Variants in CUX1 observed in about 807,000 individuals in gnomAD.
CUX1 encodes the protein protein CASP.
In CUX1, 31 loss-of-function variants were observed where a neutral mutation model predicts 158.8. The observed-to-expected ratio is 0.20, with a 90% CI of 0.15 to 0.26. The LOEUF (loss-of-function observed/expected upper bound fraction) is 0.26, where lower values mean the gene tolerates loss of function less well. Among genes scored for constraint, CUX1 ranks in the 10% least tolerant of loss-of-function variants. The probability of loss-of-function intolerance (pLI) is 1.00; values close to 1 mark genes in which losing one functional copy is unlikely to be tolerated. For synonymous variants in CUX1, 879 were observed against 862.1 expected (o/e 1.02, Z -0.34); for missense variants, 1,589 against 2,014.6 (o/e 0.79, Z 4.04).
At chr7:102,086,633 A>G (rs1162712262) in intron 4 of CUX1, among the ~76,000 whole-genome samples, 1 of 151,574 alleles carries the variant, frequency 6.6e-6, no homozygotes, top group Non-Finnish European at 1.5e-5. Context: ...TTTTTGAGAC[A>G]GAGTCTCGCT....
chr7:102,161,695 C>T (rs1021039937), intron 9 of CUX1, among the ~76,000 whole-genome samples: 5 of 152,320 alleles, frequency 3.3e-5, no homozygotes, highest in African/African-American at 1.2e-4. Context: ...ACTGCATCCT[C>T]CACCTCATGG....
chr7:102,251,012 T>C lies in CUX1; in HGVS notation c.*1970T>C. 1.0e-6 allele frequency: 1 copy of C among 972,222 alleles called. No homozygotes were observed. Among genetic ancestry groups the C allele is most frequent in the Non-Finnish European group, 1.2e-6 (1 of 818,034 alleles). The allele number at this position is 972,222 out of a possible 1,614,324, so 60.2% of individuals were successfully genotyped here. A position where few individuals can be genotyped will look rare whatever the true frequency, so the allele number is the denominator to read the frequency against. On this transcript the variant is annotated 3_prime_UTR_variant, in exon 24 of 24. Coordinates refer to ENST00000292535, the MANE Select transcript of CUX1 (RefSeq NM_181552.4). ...TATTTATAGGTGCTGTATTTTATTA[T>C]CTGATTGTTAGGAAGGGATGAAAGG...
intron 13 of CUX1, among the ~76,000 whole-genome samples, chr7:102,194,429 G>A (rs1190316068): frequency 7.2e-6 from 1 of 138,364 alleles, no homozygotes; most frequent in African/African-American, 2.8e-5. Flanking sequence ...GCAAGACCAT[G>A]TTGCTATTAA....
At chr7:101,819,753 C>T (rs542855379) in intron 1 of CUX1, among the ~76,000 whole-genome samples, 4 of 152,194 alleles carry the variant, frequency 2.6e-5, no homozygotes, top group Admixed American at 6.5e-5. Flanking sequence ...AAGTTTTTTC[C>T]TATGTGAAAC....
intron 2 of CUX1, chr7:101,960,269 T>C (rs1177166275): frequency 6.6e-6 from 1 of 152,200 alleles, no homozygotes; most frequent in Non-Finnish European, 1.5e-5. Context: ...TGGCAATTAA[T>C]CGGATGACTG....
chr7:102,221,280 T>G (rs2132280140), intron 20 of CUX1, among the ~76,000 whole-genome samples: 1 of 152,394 alleles, frequency 6.6e-6, no homozygotes, highest in East Asian at 1.9e-4. Context: ...TCCTTCTGAA[T>G]GCACAGTTCG....
chr7:102,226,627 G>T (rs568137242), intron 20 of CUX1, among the ~76,000 whole-genome samples: 2 of 149,686 alleles, frequency 1.3e-5, no homozygotes, highest in Non-Finnish European at 3.0e-5. Flanking sequence ...CGCAGTTGTT[G>T]TTTTTTTTCT....
chr7:102,193,975 C>G (rs1285692722), intron 13 of CUX1, 85 bp downstream of exon 13: 1 of 1,355,626 alleles, frequency 7.4e-7, no homozygotes. Context: ...CCATGATCCA[C>G]TGTTTCTACG....
intron 3 of CUX1, among the ~76,000 whole-genome samples, chr7:102,066,897 A>G (rs1825608148): frequency 6.6e-6 from 1 of 152,250 alleles, no homozygotes; most frequent in Non-Finnish European, 1.5e-5. Flanking sequence ...TACGACAGGG[A>G]AAGAAAACAC....
intron 1 of CUX1, among the ~76,000 whole-genome samples, chr7:101,837,057 C>T (rs1471672891): frequency 6.6e-6 from 1 of 152,202 alleles, no homozygotes; most frequent in Non-Finnish European, 1.5e-5. Flanking sequence ...CTGAAACAAG[C>T]CACTATAATG....
intron 2 of CUX1, among the ~76,000 whole-genome samples, chr7:102,006,183 C>T (rs573009846): frequency 6.6e-6 from 1 of 152,154 alleles, no homozygotes; most frequent in African/African-American, 2.4e-5. Flanking sequence ...AGAAAAAGAC[C>T]CGCGGGGTCC....
intron 1 of CUX1, among the ~76,000 whole-genome samples, chr7:101,912,470 G>A (rs1283751441): frequency 6.6e-6 from 1 of 152,014 alleles, no homozygotes; most frequent in Non-Finnish European, 1.5e-5. Flanking sequence ...GTACGCACTC[G>A]TTCACATTTA....
chr7:102,112,598 C>G (rs1831049109), intron 7 of CUX1, among the ~76,000 whole-genome samples: 1 of 149,918 alleles, frequency 6.7e-6, no homozygotes, highest in African/African-American at 2.5e-5. Context: ...GAGACAGGGT[C>G]TTGCTCTGTC....
At chr7:101,989,890 C>T (rs1046465918) in intron 2 of CUX1, among the ~76,000 whole-genome samples, 11 of 152,216 alleles carry the variant, frequency 7.2e-5, no homozygotes, top group African/African-American at 2.7e-4. Context: ...AAAGTCTGTC[C>T]GTACACGCTC....
chr7:101,834,949 T>C (rs745942535), intron 1 of CUX1, among the ~76,000 whole-genome samples: 4 of 151,942 alleles, frequency 2.6e-5, no homozygotes, highest in Non-Finnish European at 5.9e-5. Context: ...TGAGCCAAGA[T>C]CTCGCCACTG....
intron 3 of CUX1, among the ~76,000 whole-genome samples, chr7:102,063,383 C>CTTTTTTTTT (rs11368644): frequency 1.7e-4 from 15 of 89,268 alleles, no homozygotes; most frequent in South Asian, 9.1e-4. Context: ...ATTTCCTTTT[C>CTTTTTTTTT]TTTTTTTTTT....
At chr7:101,832,040 C>T (rs113030944) in intron 1 of CUX1, among the ~76,000 whole-genome samples, 3 of 152,272 alleles carry the variant, frequency 2.0e-5, no homozygotes, top group Admixed American at 2.0e-4. Flanking sequence ...AGCTGCCATG[C>T]CTAGCCCCGA....
At chr7:102,129,203 C>T (rs1197969294) in intron 8 of CUX1, among the ~76,000 whole-genome samples, 1 of 152,192 alleles carries the variant, frequency 6.6e-6, no homozygotes, top group Non-Finnish European at 1.5e-5. Context: ...ACCTACTCAT[C>T]CATATTAGCG....
chr7:102,089,445 C>T (rs528474150), intron 4 of CUX1, among the ~76,000 whole-genome samples: 1 of 152,192 alleles, frequency 6.6e-6, no homozygotes, highest in South Asian at 2.1e-4. Flanking sequence ...ACTTGCAGGT[C>T]AGTTTGATCA....
Sources: allele counts gnomAD v4.1 joint callset (sites outside exome capture counted in the v4.1 genomes callset), GRCh38; gene constraint gnomAD v4.1.1; transcripts MANE v1.5; gene names NCBI Gene and HGNC (gene_info 2026-07-23, HGNC 2026-07-21).